PARP1: variants seen among roughly 807,000 people sequenced by gnomAD.
PARP1 encodes poly [ADP-ribose] polymerase 1.
A neutral mutation model predicts 118.7 loss-of-function variants in PARP1; 44 were observed. That is an observed-to-expected ratio of 0.37 (90% CI 0.29 to 0.48). The LOEUF is 0.48. Ranked by LOEUF, PARP1 falls within the 20% of genes least tolerant of loss-of-function variation. PARP1 has a pLI of 0.99. For missense variants in PARP1, 1,100 were observed against 1,272.4 expected (o/e 0.86, Z 2.06); for synonymous variants, 492 against 483.2 (o/e 1.02, Z -0.24).
In PARP1 at chr1:226,402,241, T is replaced by C; in HGVS notation, c.259A>G (p.Lys87Glu). 1.2e-6 allele frequency: 2 copies of C among 1,614,164 alleles called. No homozygotes were observed. The highest frequency in any genetic ancestry group is 1.7e-6 in the Non-Finnish European group (2 of 1,180,038). ...GTCACTCCTCCAGCTTCCGCTGTCT[T>C]CTTGACTTTCTGCTGGTCATCCCAC... is the stretch of plus-strand genomic sequence containing the variant. ...LRWDDQQKVKKTAEAGGVTGK... is the reference protein window; with the variant it reads ...LRWDDQQKVKETAEAGGVTGK... The change falls in exon 2 of 23, where the codon AAG (lysine) becomes GAG (glutamate). Residue 87 changes from lysine (K) to glutamate (E), a missense_variant. Lys to Glu is a moderately conservative substitution (Grantham distance 56). Coordinates refer to ENST00000366794, the MANE Select transcript of PARP1 (RefSeq NM_001618.4).
chr1:226,366,400 G>A, intron 17 of PARP1: 1 of 340,344 alleles, frequency 2.9e-6, no homozygotes, highest in East Asian at 7.0e-5. Context: ...AGAGAGTCCA[G>A]CTCAGCATGA....
chr1:226,373,892 TG>T (rs1451085787), intron 14 of PARP1, among the ~76,000 whole-genome samples: 2 of 151,990 alleles, frequency 1.3e-5, no homozygotes, highest in Non-Finnish European at 2.9e-5. Flanking sequence ...CTGAGGTGGG[TG>T]GATCACTTGA....
chr1:226,407,447 CA>C (rs1439454531), intron 1 of PARP1, among the ~76,000 whole-genome samples: 1 of 151,600 alleles, frequency 6.6e-6, no homozygotes, highest in Non-Finnish European at 1.5e-5. Flanking sequence ...CAAGATAGGT[CA>C]AAATCAGATT....
At chr1:226,386,748 G>A (rs1316094440) in intron 5 of PARP1, among the ~76,000 whole-genome samples, 1 of 152,168 alleles carries the variant, frequency 6.6e-6, no homozygotes, top group Non-Finnish European at 1.5e-5. Context: ...AGAAACACCA[G>A]GTAAGAGCCT....
rs1664128153 is a variant in PARP1 at position 226,361,193 on chromosome 1, T to C, written c.*267A>G. On this transcript the variant is annotated 3_prime_UTR_variant, in exon 23 of 23. Transcript: ENST00000366794. ...ACTAGTCTATGCAACAGAATCTCTC[T>C]CCAGCCTTTTCTCTATGTCAGTTTT... is the stretch of plus-strand genomic sequence containing the variant. 2 of 544,572 alleles carry C rather than the reference T, an allele frequency of 3.7e-6. No individual in the cohort carries two copies. Among genetic ancestry groups the C allele is most frequent in the Admixed American group, 3.1e-5 (1 of 32,384 alleles). The allele number at this position is 544,572 out of a possible 1,614,324, so 33.7% of individuals were successfully genotyped here.
chr1:226,381,900 T>G (rs1664617235), intron 8 of PARP1, among the ~76,000 whole-genome samples: 1 of 152,194 alleles, frequency 6.6e-6, no homozygotes, highest in Non-Finnish European at 1.5e-5. Flanking sequence ...ACAGTTTAAC[T>G]GAAACTGCTG....
At position 226,379,154 on chromosome 1, in the gene PARP1, T is replaced by C. The variant is rs1664551464; in HGVS notation, c.1733A>G (p.Asp578Gly). Residue 578 changes from aspartate (D) to glycine (G), a missense_variant, in exon 12 of 23, where the codon GAC becomes GGC. Physicochemically the swap from Asp to Gly is moderately conservative, Grantham distance 94. Coordinates refer to ENST00000366794, the MANE Select transcript of PARP1 (RefSeq NM_001618.4). ...SYYKLQLLED[D>G]KENRYWIFRS... ...CTGCAGAACTCACCTGTTTTCCTTG[T>C]CGTCCTCCAGAAGCTGCAGCTTGTA... is the stretch of plus-strand genomic sequence containing the variant. 1 of 1,614,124 alleles carries C rather than the reference T, an allele frequency of 6.2e-7. No homozygotes were observed. The highest frequency in any genetic ancestry group is 1.1e-5 in the South Asian group (1 of 91,088).
chr1:226,367,230 G>A (rs906198063), intron 17 of PARP1: 7 of 526,866 alleles, frequency 1.3e-5, no homozygotes, highest in East Asian at 6.7e-5. Flanking sequence ...AAATTTGTAC[G>A]CCAAGCTGAG....
chr1:226,403,074 C>T (rs1665068895), intron 1 of PARP1, among the ~76,000 whole-genome samples: 1 of 152,210 alleles, frequency 6.6e-6, no homozygotes. Context: ...CGCAGTTTCC[C>T]AGGCGTAGGA....
chr1:226,404,549 C>T (rs917211067), intron 1 of PARP1, among the ~76,000 whole-genome samples: 2 of 152,228 alleles, frequency 1.3e-5, no homozygotes, highest in African/African-American at 4.8e-5. Context: ...TCTCCCCCAA[C>T]CACCGGCACA....
chr1:226,402,438 C>G, intron 1 of PARP1, 59 bp from the exon 2 acceptor site: 1 of 1,539,374 alleles, frequency 6.5e-7, no homozygotes, highest in Non-Finnish European at 8.8e-7. Flanking sequence ...CTTAGACCCA[C>G]TAGACCTTGA....
chr1:226,392,718 T>G, intron 2 of PARP1: 1 of 554,840 alleles, frequency 1.8e-6, no homozygotes, highest in Non-Finnish European at 3.1e-6. Context: ...AAGTGTTGAA[T>G]TAAAGGAAAT....
chr1:226,393,252 C>G (rs2136876), intron 2 of PARP1, among the ~76,000 whole-genome samples: 34,292 of 152,040 alleles, frequency 0.23, 4,646 homozygotes, highest in African/African-American at 0.37. Context: ...ATACATAAAA[C>G]ACTTAGATAA....
intron 8 of PARP1, among the ~76,000 whole-genome samples, chr1:226,381,950 G>C (rs905005184): frequency 4.6e-5 from 7 of 152,180 alleles, no homozygotes; most frequent in African/African-American, 1.4e-4. Flanking sequence ...ATGCTGAACT[G>C]CAAGTCAGGG....
At chr1:226,386,279 G>A (rs750388601) in intron 6 of PARP1, 47 bp downstream of exon 6, 11 of 1,117,208 alleles carry the variant, frequency 9.8e-6, no homozygotes, top group East Asian at 2.3e-5. Flanking sequence ...CCACAACGAC[G>A]GGGTCGGCCT....
At position 226,385,531 on chromosome 1, in the gene PARP1, G is replaced by C. The variant is rs1425213933; in HGVS notation, c.984C>G (p.Pro328=). 2 of 1,614,010 alleles carry C rather than the reference G, an allele frequency of 1.2e-6. No individual in the cohort carries two copies. Among genetic ancestry groups the C allele is most frequent in the Admixed American group, 3.3e-5 (2 of 60,002 alleles). Residue 328 remains proline (P), a synonymous_variant, in exon 7 of 23, where the codon CCC becomes CCG. Coordinates refer to ENST00000366794, the MANE Select transcript of PARP1 (RefSeq NM_001618.4). ...TTGGGGTTACCCACTCCTTCCGGTT[G>C]GGTGTCTGTGTCTTGACCATACACT... ...WTKCMVKTQT[P]NRKEWVTPKE... is the part of the protein sequence containing the mutation.
In PARP1 at chr1:226,383,202, T is replaced by G; in HGVS notation, c.1012-19A>C. 1 of 1,610,622 alleles carries G rather than the reference T, an allele frequency of 6.2e-7. No individual in the cohort carries two copies. Among genetic ancestry groups the G allele is most frequent in the Non-Finnish European group, 8.5e-7 (1 of 1,177,728 alleles). Reference sequence around the variant, plus strand: ...GGAATTCCTAAAAAATATTAAGTTTTAGTTAAGAAGCCAGCTCTCCCTTGA... The same window carrying G: ...GGAATTCCTAAAAAATATTAAGTTTGAGTTAAGAAGCCAGCTCTCCCTTGA... On this transcript the variant is annotated intron_variant, in intron 7 of 22. Coordinates refer to ENST00000366794, the MANE Select transcript of PARP1 (RefSeq NM_001618.4).
intron 5 of PARP1, among the ~76,000 whole-genome samples, chr1:226,387,148 A>T (rs1664731109): frequency 6.6e-6 from 1 of 152,004 alleles, no homozygotes; most frequent in Non-Finnish European, 1.5e-5. Context: ...ACGCCCAGCT[A>T]ATTTTTGTAT....
chr1:226,374,145 A>C, intron 14 of PARP1, 81 bp downstream of exon 14: 1 of 1,509,680 alleles, frequency 6.6e-7, no homozygotes, highest in South Asian at 1.1e-5. Context: ...AGAAACAAGA[A>C]CAGGCAGACA....
Sources: allele counts gnomAD v4.1 joint callset (sites outside exome capture counted in the v4.1 genomes callset), GRCh38; gene constraint gnomAD v4.1.1; transcripts MANE v1.5; gene names NCBI Gene and HGNC (gene_info 2026-07-23, HGNC 2026-07-21).